The following NOTCH4 variants were observed in gnomAD, a reference collection of about 807,000 sequenced individuals.
NOTCH4 encodes notch receptor 4.
Under a neutral mutation model 189.0 loss-of-function variants are expected in NOTCH4, and 138 were observed. That is an observed-to-expected ratio of 0.73 (90% CI 0.64 to 0.84). The LOEUF is 0.84. Among genes scored for constraint, NOTCH4 ranks in the 40% least tolerant of loss-of-function variants. The pLI, the probability that NOTCH4 is intolerant of heterozygous loss-of-function variation, is 0.00. For missense variants in NOTCH4, 2,286 were observed against 2,605.4 expected, an observed-to-expected ratio of 0.88 and a Z score of 2.67; for synonymous variants, 942 against 1,032.8, an observed-to-expected ratio of 0.91 and a Z score of 1.69.
In NOTCH4 at chr6:32,214,165, C is replaced by A. The variant is rs143622513; in HGVS notation, c.2112G>T (p.Gly704=). The change falls in exon 13 of 30, where the codon GGG becomes GGT. Residue 704 remains glycine, a synonymous_variant. Transcript: ENST00000375023. ...AGCCAGAGGGCTGGGGGTAGCAGGTCCCCCCATGGGCACAGGGTGCAGAGA... is the reference window on the plus strand; with the variant it reads ...AGCCAGAGGGCTGGGGGTAGCAGGTACCCCCATGGGCACAGGGTGCAGAGA... ...GCISAPCAHG[G]TCYPQPSGYN... 6.2e-7 allele frequency: 1 copy of A among 1,613,172 alleles called. No individual in the cohort carries two copies. The highest frequency in any genetic ancestry group is 1.1e-5 in the South Asian group (1 of 91,028).
chr6:32,218,778 T>C lies in NOTCH4; in HGVS notation c.1511-670A>G, dbSNP rs115844914. On this transcript the variant is annotated intron_variant, in intron 8 of 29. Coordinates refer to ENST00000375023, the MANE Select transcript of NOTCH4 (RefSeq NM_004557.4). ...GTTGGGTGACCTGAGCCAGTATCTT[T>C]GGGTGCCGCTCAGTTTAGAAAGTCA... is the stretch of plus-strand genomic sequence containing the variant. 4.0e-3 allele frequency among the ~76,000 whole-genome samples: 609 copies of C among 152,314 alleles called. 1 individual carries two copies. The highest frequency in any genetic ancestry group is 0.014 in the African/African-American group (574 of 41,556).
chr6:32,203,428 G>C (rs949770795), intron 20 of NOTCH4: 9 of 291,448 alleles, frequency 3.1e-5, no homozygotes, highest in Admixed American at 1.5e-4. Flanking sequence ...CTTAAGATTA[G>C]TCTAATTCCA....
chr6:32,208,003 CA>C (rs9279505), intron 18 of NOTCH4, among the ~76,000 whole-genome samples: 15,805 of 129,378 alleles, frequency 0.12, 737 homozygotes, highest in African/African-American at 0.14. Context: ...GACTCCTTCT[CA>C]AAAAAAAAAA....
chr6:32,219,042 T>C (rs1332394481), intron 8 of NOTCH4, among the ~76,000 whole-genome samples: 1 of 152,316 alleles, frequency 6.6e-6, no homozygotes, highest in African/African-American at 2.4e-5. Flanking sequence ...TTCATTCAAC[T>C]CCTTGATGTT....
intron 13 of NOTCH4, 75 bp downstream of exon 13, chr6:32,214,035 C>A (rs2127479235): frequency 6.6e-7 from 1 of 1,520,552 alleles, no homozygotes; most frequent in Non-Finnish European, 8.9e-7. Context: ...AGACTCAGGG[C>A]CCGTGGTCGC....
At position 32,196,284 on chromosome 6, in the gene NOTCH4, C is replaced by A; in HGVS notation, c.5298+40G>T. ...GTTACCGCACTTTCCATCTCTCGTGCGCCTGACTGTTTTGTGGGAAGCCCT... is the reference window on the plus strand; with the variant it reads ...GTTACCGCACTTTCCATCTCTCGTGAGCCTGACTGTTTTGTGGGAAGCCCT... On this transcript the variant is annotated intron_variant, in intron 29 of 29. Coordinates refer to ENST00000375023, the MANE Select transcript of NOTCH4 (RefSeq NM_004557.4). 1.9e-6 allele frequency: 3 copies of A among 1,613,092 alleles called. No homozygotes were observed. The African/African-American group carries it at 4.0e-5, about 21-fold the overall frequency.
In NOTCH4 at chr6:32,196,353, C is replaced by G. The variant is rs761281369; in HGVS notation, c.5269G>C (p.Gly1757Arg). ...ARAARSLLQA[G>R]ADKDAQDNRE... Reference sequence around the variant, plus strand: ...TTGTCCTGGGCATCTTTATCGGCTCCGGCCTGGAGAAGCGAGCGGGCGGCT... The same window carrying G: ...TTGTCCTGGGCATCTTTATCGGCTCGGGCCTGGAGAAGCGAGCGGGCGGCT... Residue 1757 changes from glycine (G) to arginine (R), a missense_variant, in exon 29 of 30, where the codon GGA (glycine) becomes CGA (arginine). Gly to Arg is a moderately radical substitution (Grantham distance 125). This residue lies in a region of NOTCH4 where 1,903 missense variants were observed against 2,261.9 expected (regional missense o/e 0.84). Transcript: ENST00000375023. 1.2e-6 allele frequency: 2 copies of G among 1,613,158 alleles called. No individual in the cohort carries two copies. The highest frequency in any genetic ancestry group is 2.2e-5 in the South Asian group (2 of 91,088).
chr6:32,214,466 G>GATATATATATATAT (rs1554151235), intron 12 of NOTCH4, among the ~76,000 whole-genome samples: 4 of 116,682 alleles, frequency 3.4e-5, no homozygotes, highest in African/African-American at 6.4e-5. Flanking sequence ...TCTAGTTGGA[G>GATATATATATATAT]ATATATATAT....
intron 8 of NOTCH4, among the ~76,000 whole-genome samples, chr6:32,218,668 G>A (rs1233305940): frequency 6.6e-6 from 1 of 152,152 alleles, no homozygotes; most frequent in South Asian, 2.1e-4. Context: ...CTTGCCTGAG[G>A]AGTCTGCTTC....
In NOTCH4 at chr6:32,210,296, T is replaced by TG. The variant is rs911355577; in HGVS notation, c.2865+455dup. Among the ~76,000 whole-genome samples, 1 of 151,796 alleles carries TG rather than the reference T, an allele frequency of 6.6e-6. No individual in the cohort carries two copies. Among genetic ancestry groups the TG allele is most frequent in the Non-Finnish European group, 1.5e-5 (1 of 67,970 alleles). On this transcript the variant is annotated intron_variant, in intron 18 of 29. Transcript: ENST00000375023. This position sits in a 1 kb window ranked among gnomAD's most constrained non-coding sequence, Gnocchi z 4.8. The stretch of plus-strand genomic sequence containing the variant: ...TGGAGCAGAGAGTAGAAGGGTGGGA[T>TG]GGGGAGAGCTGAGGCCTGAGAGGCA...
Position 32,210,379 on chromosome 6 carries a change from G to A in NOTCH4, c.2865+373C>T, listed in dbSNP as rs977385593. On this transcript the variant is annotated intron_variant, in intron 18 of 29. Transcript: ENST00000375023. The surrounding 1 kb of genome is among the most constrained non-coding windows in gnomAD (Gnocchi z 4.8). ...ATTCAGAATGAGGCGGGCAGCCTCCGAAGGTTCAGCAGGGGAGAGACAGGT... is the reference window on the plus strand; with the variant it reads ...ATTCAGAATGAGGCGGGCAGCCTCCAAAGGTTCAGCAGGGGAGAGACAGGT... 1.3e-5 allele frequency among the ~76,000 whole-genome samples: 2 copies of A among 152,114 alleles called. No homozygotes were observed. The highest frequency in any genetic ancestry group is 4.8e-5 in the African/African-American group (2 of 41,414).
At chr6:32,220,923 A>G in intron 4 of NOTCH4, 45 bp from the exon 5 acceptor site, 1 of 1,604,728 alleles carries the variant, frequency 6.2e-7, no homozygotes, top group Admixed American at 1.7e-5. Flanking sequence ...TCCAACGGAG[A>G]CATCCTGCCC....
At chr6:32,206,809 T>C (rs1463492944) in intron 18 of NOTCH4, among the ~76,000 whole-genome samples, 4 of 152,018 alleles carry the variant, frequency 2.6e-5, no homozygotes, top group African/African-American at 9.7e-5. Context: ...TATAAAGCTA[T>C]AGTAACCAAA....
At chr6:32,222,918 C>T in intron 2 of NOTCH4, 87 bp downstream of exon 2, 1 of 1,551,156 alleles carries the variant, frequency 6.4e-7, no homozygotes, top group Non-Finnish European at 8.9e-7. Context: ...TCCTCTCTTT[C>T]TTCTTTGGTC....
At chr6:32,222,470 C>T in intron 3 of NOTCH4, 41 bp downstream of exon 3, 1 of 1,481,446 alleles carries the variant, frequency 6.8e-7, no homozygotes, top group Non-Finnish European at 8.9e-7. Context: ...TAGCCCATTG[C>T]TCCTGCCTGT....
Position 32,220,594 on chromosome 6 carries a change from G to A in NOTCH4, c.970C>T (p.Pro324Ser), listed in dbSNP as rs2127487783. The change falls in exon 6 of 30, where the codon CCT (proline) becomes TCT (serine). Residue 324 changes from proline (P) to serine (S), a missense_variant. Transcript: ENST00000375023. Reference sequence around the variant, plus strand: ...CAGGTGCCCCCGTTTCTGCAGTGAGGGGGACCCTGGGTCTCACACTCATCC... The same window carrying A: ...CAGGTGCCCCCGTTTCTGCAGTGAGAGGGACCCTGGGTCTCACACTCATCC... ...DVDECETQGP[P>S]HCRNGGTCQN... 1 of 1,613,716 alleles carries A rather than the reference G, an allele frequency of 6.2e-7. No homozygotes were observed. Among genetic ancestry groups the A allele is most frequent in the Non-Finnish European group, 8.5e-7 (1 of 1,179,912 alleles).
rs760161276 is a variant in NOTCH4 at position 32,210,745 on chromosome 6, C to T, written c.2865+7G>A. On this transcript the variant is annotated splice_region_variant and intron_variant, in intron 18 of 29. Coordinates refer to ENST00000375023, the MANE Select transcript of NOTCH4 (RefSeq NM_004557.4). The surrounding 1 kb of genome is among the most constrained non-coding windows in gnomAD (Gnocchi z 4.8). ...TTTCCTCCCCCTTCTCCTGCAGACC[C>T]TCTCACCTGGCAGAGATACCCACTG... 1.2e-6 allele frequency: 2 copies of T among 1,612,028 alleles called. No homozygotes were observed. The highest frequency in any genetic ancestry group is 1.1e-5 in the South Asian group (1 of 91,048).
intron 19 of NOTCH4, 125 bp downstream of exon 19, chr6:32,204,012 G>T: frequency 1.4e-6 from 2 of 1,420,226 alleles, no homozygotes; most frequent in East Asian, 2.4e-5. Context: ...TTCTGGGCGG[G>T]GGTGGGCGTG....
At position 32,220,764 on chromosome 6, in the gene NOTCH4, G is replaced by C. The variant is rs1789710834; in HGVS notation, c.914C>G (p.Thr305Ser). 1 of 1,613,870 alleles carries C rather than the reference G, an allele frequency of 6.2e-7. No homozygotes were observed. Among genetic ancestry groups the C allele is most frequent in the Admixed American group, 1.7e-5 (1 of 59,998 alleles). The change falls in exon 5 of 30, where the codon ACC (threonine) becomes AGC (serine). Residue 305 changes from threonine to serine, a missense_variant. Thr to Ser is a moderately conservative substitution (Grantham distance 58). This residue lies in a region of NOTCH4 where 1,903 missense variants were observed against 2,261.9 expected (regional missense o/e 0.84). Coordinates refer to ENST00000375023, the MANE Select transcript of NOTCH4 (RefSeq NM_004557.4). ...TGGCTTAAACAACTCACCTGTCCAG[G>C]TTTCTGGGCAGAGGCAGGTGTAGGT... is the stretch of plus-strand genomic sequence containing the variant. Reference protein sequence around the residue: ...LDTYTCLCPETWTGWDCSEDV... With the variant: ...LDTYTCLCPESWTGWDCSEDV...
Sources: gnomAD v4.1 joint callset for allele counts (sites outside exome capture counted in the v4.1 genomes callset) on GRCh38, gnomAD v4.1.1 for gene constraint, gnomAD v4.1.1 regional missense constraint, Gnocchi (gnomAD v3.1) non-coding constraint, MANE v1.5 for transcripts, NCBI Gene and HGNC (gene_info 2026-07-23, HGNC 2026-07-21) for gene names.